The following CDC14A variants were observed in gnomAD, a reference collection of about 807,000 sequenced individuals.
CDC14A encodes dual specificity protein phosphatase CDC14A.
A neutral mutation model predicts 74.4 loss-of-function variants in CDC14A; 53 were observed. That is an observed-to-expected ratio of 0.71 (90% CI 0.57 to 0.89). The LOEUF (loss-of-function observed/expected upper bound fraction) is 0.89, where lower values mean the gene tolerates loss of function less well. CDC14A is among the 40% of genes least tolerant of loss of function. CDC14A has a pLI of 0.00. For synonymous variants in CDC14A, 247 were observed against 258.4 expected (o/e 0.96, Z 0.43); for missense variants, 646 against 713.7 (o/e 0.91, Z 1.08).
rs371096228 is a variant in CDC14A at position 100,353,017 on chromosome 1, G to T, written c.49+14G>T. On this transcript the variant is annotated intron_variant, in intron 1 of 15. Coordinates refer to ENST00000336454, the MANE Select transcript of CDC14A (RefSeq NM_003672.4). ...AGTTCATGAAAGGTGAGGAGCAGCCGCCCCGCATCTTCCAACGCTTTCTTG... is the reference window on the plus strand; with the variant it reads ...AGTTCATGAAAGGTGAGGAGCAGCCTCCCCGCATCTTCCAACGCTTTCTTG... 1 of 1,613,588 alleles carries T rather than the reference G, an allele frequency of 6.2e-7. No homozygotes were observed. The highest frequency in any genetic ancestry group is 1.3e-5 in the African/African-American group (1 of 74,938).
intron 5 of CDC14A, among the ~76,000 whole-genome samples, chr1:100,430,442 A>G (rs17122470): frequency 0.013 from 1,916 of 152,286 alleles, 40 homozygotes; most frequent in African/African-American, 0.044. Flanking sequence ...GTGATATCCC[A>G]GTTGCTGAGC....
intron 4 of CDC14A, among the ~76,000 whole-genome samples, chr1:100,418,381 C>T (rs1273332686): frequency 6.6e-6 from 1 of 152,006 alleles, no homozygotes; most frequent in East Asian, 1.9e-4. Flanking sequence ...GAAAGTATTC[C>T]AGAAAAACAA....
chr1:100,388,556 T>C (rs914596524), intron 3 of CDC14A, among the ~76,000 whole-genome samples: 2 of 152,212 alleles, frequency 1.3e-5, no homozygotes, highest in African/African-American at 4.8e-5. Flanking sequence ...AATAAGGGCA[T>C]TGGCAATAAG....
In CDC14A at chr1:100,486,492, T is replaced by A. The variant is rs377762348; in HGVS notation, c.1137+2041T>A. Among the ~76,000 whole-genome samples, 244 of 152,322 alleles carry A rather than the reference T, an allele frequency of 1.6e-3. 1 individual carries two copies. Among genetic ancestry groups the A allele is most frequent in the African/African-American group, 5.7e-3 (235 of 41,576 alleles). ...CAGCTTATAAACAACAGAAATTTAT[T>A]TCTCACGGTTCTGCAGGTTGGGAAA... On this transcript the variant is annotated intron_variant, in intron 11 of 15. Transcript: ENST00000336454.
chr1:100,412,485 C>T (rs545862022), intron 4 of CDC14A, among the ~76,000 whole-genome samples: 2 of 148,856 alleles, frequency 1.3e-5, no homozygotes, highest in East Asian at 4.0e-4. Context: ...CTGTTTTTCT[C>T]CTTTTCCTTC....
chr1:100,512,229 C>G (rs1365099319), intron 15 of CDC14A, among the ~76,000 whole-genome samples: 1 of 152,124 alleles, frequency 6.6e-6, no homozygotes, highest in Non-Finnish European at 1.5e-5. Flanking sequence ...GATTCTCTCT[C>G]TCCTCTGCTT....
rs777595087 is a variant in CDC14A at position 100,467,965 on chromosome 1, G to C, written c.848G>C (p.Gly283Ala). 1.6e-5 allele frequency: 25 copies of C among 1,591,644 alleles called. No individual in the cohort carries two copies. The highest frequency in any genetic ancestry group is 1.5e-5 in the Non-Finnish European group (18 of 1,172,904). Residue 283 changes from glycine (G) to alanine (A), a missense_variant, in exon 10 of 16, where the codon GGA becomes GCA. By Grantham distance (60) the Gly-to-Ala change is moderately conservative. Transcript: ENST00000336454. ...AIAVHCKAGL[G>A]RTGTLIACYV... Reference sequence around the variant, plus strand: ...TTTCATTCTCTTACAGCTGGTCTTGGAAGAACAGGGACATTGATAGCCTGT... The same window carrying C: ...TTTCATTCTCTTACAGCTGGTCTTGCAAGAACAGGGACATTGATAGCCTGT...
In CDC14A at chr1:100,498,063, T is replaced by A. The variant is rs954991434; in HGVS notation, c.1299-22T>A. ...AGATAAGACTACTTTATTGTGACAC[T>A]TTGCCATTTTTCTCCGCAAAGATTA... On this transcript the variant is annotated intron_variant, in intron 13 of 15. Transcript: ENST00000336454. 2.5e-6 allele frequency: 4 copies of A among 1,604,676 alleles called. No homozygotes were observed. In the African/African-American group the frequency reaches 5.4e-5, roughly 22 times the overall value.
intron 15 of CDC14A, among the ~76,000 whole-genome samples, chr1:100,499,931 T>C (rs574853345): frequency 4.3e-4 from 65 of 152,268 alleles, no homozygotes; most frequent in Non-Finnish European, 8.1e-4. Flanking sequence ...TAGCCAGCAC[T>C]CTTCTAGAGA....
intron 5 of CDC14A, among the ~76,000 whole-genome samples, chr1:100,431,343 C>T (rs1663656909): frequency 4.0e-5 from 6 of 151,762 alleles, no homozygotes; most frequent in Admixed American, 3.9e-4. Context: ...ATCAGTTTTA[C>T]CAAACTTAGT....
chr1:100,495,831 A>T (rs1393415791), intron 12 of CDC14A, among the ~76,000 whole-genome samples, 171 bp from the exon 13 acceptor site: 1 of 152,224 alleles, frequency 6.6e-6, no homozygotes, highest in Non-Finnish European at 1.5e-5. Flanking sequence ...CAGTATTATG[A>T]GAAAAGGGGA....
At chr1:100,371,918 C>T (rs1570981859) in intron 2 of CDC14A, among the ~76,000 whole-genome samples, 1 of 152,116 alleles carries the variant, frequency 6.6e-6, no homozygotes, top group African/African-American at 2.4e-5. Flanking sequence ...TTACCTTAAT[C>T]AATACTGGTA....
intron 5 of CDC14A, among the ~76,000 whole-genome samples, chr1:100,435,759 G>C (rs79611570): frequency 1.3e-5 from 2 of 149,514 alleles, no homozygotes; most frequent in South Asian, 4.2e-4. Flanking sequence ...GGGAGGCAGA[G>C]GTTGCAGTGA....
At chr1:100,385,478 A>T (rs968625579) in intron 3 of CDC14A, among the ~76,000 whole-genome samples, 1 of 152,250 alleles carries the variant, frequency 6.6e-6, no homozygotes. Flanking sequence ...AGTTAGATTT[A>T]GTTATTTCTG....
intron 2 of CDC14A, among the ~76,000 whole-genome samples, chr1:100,372,328 C>A (rs1350668363): frequency 6.6e-6 from 1 of 152,068 alleles, no homozygotes; most frequent in Admixed American, 6.5e-5. Context: ...ATTCACTCTT[C>A]CTTTCATGAA....
chr1:100,371,377 C>T (rs186840843), intron 2 of CDC14A, among the ~76,000 whole-genome samples: 4 of 152,260 alleles, frequency 2.6e-5, no homozygotes, highest in Admixed American at 1.3e-4. Flanking sequence ...CTTGTTTCAA[C>T]TCCTAAAGGG....
chr1:100,351,678 G>A (rs987802434), upstream of CDC14A: 1 of 1,445,634 alleles, frequency 6.9e-7, no homozygotes, highest in Non-Finnish European at 9.5e-7. Context: ...CTCCGGGACC[G>A]GAGCACTGTA....
intron 10 of CDC14A, among the ~76,000 whole-genome samples, chr1:100,481,883 G>A (rs1380277121): frequency 6.6e-6 from 1 of 152,122 alleles, no homozygotes; most frequent in South Asian, 2.1e-4. Context: ...TACTTCTTTT[G>A]TTTGAGATGA....
chr1:100,354,246 G>C (rs1391194754), intron 2 of CDC14A, among the ~76,000 whole-genome samples: 1 of 152,258 alleles, frequency 6.6e-6, no homozygotes, highest in East Asian at 1.9e-4. Flanking sequence ...AGGTGCTTGA[G>C]CTTTATAGTT....
Sources: gnomAD v4.1 joint callset for allele counts (sites outside exome capture counted in the v4.1 genomes callset) on GRCh38, gnomAD v4.1.1 for gene constraint, MANE v1.5 for transcripts, NCBI Gene and HGNC (gene_info 2026-07-23, HGNC 2026-07-21) for gene names.